The following PLOD1 variants were observed in gnomAD, a reference collection of about 807,000 sequenced individuals.
PLOD1 encodes lysine hydroxylase.
Under a neutral mutation model 94.7 loss-of-function variants are expected in PLOD1, and 70 were observed. That is an observed-to-expected ratio of 0.74 (90% confidence interval 0.61 to 0.90). The LOEUF (loss-of-function observed/expected upper bound fraction) is 0.90, where lower values mean the gene tolerates loss of function less well. Ranked by LOEUF, PLOD1 falls within the 40% of genes least tolerant of loss-of-function variation. The probability of loss-of-function intolerance (pLI) is 0.00; values close to 1 mark genes in which losing one functional copy is unlikely to be tolerated. For synonymous variants in PLOD1, 417 were observed against 400.2 expected, an observed-to-expected ratio of 1.04 and a Z score of -0.50; for missense variants, 905 against 972.7, an observed-to-expected ratio of 0.93 and a Z score of 0.93.
In PLOD1 at chr1:11,949,808, G is replaced by A. The variant is rs1376960586; in HGVS notation, c.204G>A (p.Lys68=). The change falls in exon 3 of 19, where the codon AAG becomes AAA. Residue 68 remains lysine (K), a synonymous_variant. Transcript: ENST00000196061. ...LGLGEDWNVE[K]GTSAGGGQKV... is the part of the protein sequence containing the mutation. Reference sequence around the variant, plus strand: ...TAGGGGAGGACTGGAATGTGGAGAAGGGGACGTCGGCAGGTGGAGGGCAGA... The same window carrying A: ...TAGGGGAGGACTGGAATGTGGAGAAAGGGACGTCGGCAGGTGGAGGGCAGA... 1.9e-6 allele frequency: 3 copies of A among 1,613,972 alleles called. No homozygotes were observed. The highest frequency in any genetic ancestry group is 2.5e-6 in the Non-Finnish European group (3 of 1,179,954).
chr1:11,971,904 C>T (rs943996214), intron 17 of PLOD1: 1 of 152,264 alleles, frequency 6.6e-6, no homozygotes, highest in Non-Finnish European at 1.5e-5. Context: ...CCCTTGAATG[C>T]TTACTGTGGT....
At chr1:11,950,174 G>A (rs1014274168) in intron 3 of PLOD1, among the ~76,000 whole-genome samples, 183 bp from the exon 4 acceptor site, 2 of 152,164 alleles carry the variant, frequency 1.3e-5, no homozygotes, top group Non-Finnish European at 2.9e-5. Flanking sequence ...CCCAGGGTGC[G>A]GGTGGGAACA....
At chr1:11,967,962 T>G (rs1284278386) in intron 16 of PLOD1, among the ~76,000 whole-genome samples, 1 of 151,404 alleles carries the variant, frequency 6.6e-6, no homozygotes, top group Non-Finnish European at 1.5e-5. Flanking sequence ...TAAATTTTTT[T>G]TTTTTTTTTA....
intron 16 of PLOD1, among the ~76,000 whole-genome samples, chr1:11,969,979 G>A (rs1361739920): frequency 1.3e-5 from 2 of 151,606 alleles, no homozygotes; most frequent in Non-Finnish European, 2.9e-5. Context: ...CATGGCTCAC[G>A]CCTGTAATCC....
intron 1 of PLOD1, among the ~76,000 whole-genome samples, chr1:11,939,648 C>T (rs1426554448): frequency 2.0e-5 from 3 of 152,112 alleles, no homozygotes; most frequent in African/African-American, 4.8e-5. Flanking sequence ...GTCTCGCTCA[C>T]CTAGTCTGGA....
Position 11,965,471 on chromosome 1 carries a change from C to T in PLOD1, c.1471-9C>T, listed in dbSNP as rs376476977. 2 of 1,573,042 alleles carry T rather than the reference C, an allele frequency of 1.3e-6. No homozygotes were observed. Among genetic ancestry groups the T allele is most frequent in the Non-Finnish European group, 1.7e-6 (2 of 1,143,382 alleles). On this transcript the variant is annotated splice_polypyrimidine_tract_variant and intron_variant, in intron 13 of 18. Transcript: ENST00000196061. ...GGAGCGCCTCTTCCACCGGGCCTGT[C>T]CTCCCCAGGATGTGTTCATGTTCCT...
intron 12 of PLOD1, 64 bp downstream of exon 12, chr1:11,964,364 G>A: frequency 6.6e-7 from 1 of 1,510,432 alleles, no homozygotes; most frequent in Non-Finnish European, 9.2e-7. Context: ...CTGGGCTTGT[G>A]GGGCTCCCTC....
chr1:11,947,757 T>C (rs1184825211), intron 1 of PLOD1, among the ~76,000 whole-genome samples: 1 of 152,102 alleles, frequency 6.6e-6, no homozygotes, highest in African/African-American at 2.4e-5. Flanking sequence ...TATCCAACTA[T>C]ATCGGTCAGT....
chr1:11,941,872 C>T (rs1569668998), intron 1 of PLOD1, among the ~76,000 whole-genome samples: 2 of 152,224 alleles, frequency 1.3e-5, no homozygotes, highest in South Asian at 2.1e-4. Flanking sequence ...TTAGTAGAGA[C>T]GGGGTTTTGC....
rs765008929 is a variant in PLOD1, at chr1:11,950,325, C to T, written c.303-32C>T. ...TCACTGGGCCCCTGCTCACCCTTGC[C>T]CTGCTCCGTCTTCTCGCTGCTCTGG... On this transcript the variant is annotated intron_variant, in intron 3 of 18. Transcript: ENST00000196061. The T allele has an allele frequency of 3.7e-6, 6 of 1,612,436 alleles. No individual in the cohort carries two copies. In the South Asian group the frequency reaches 6.6e-5, roughly 18 times the overall value.
chr1:11,957,389 A>T lies in PLOD1; in HGVS notation c.741+375A>T, dbSNP rs532503963. Among the ~76,000 whole-genome samples, 5 of 152,324 alleles carry T rather than the reference A, an allele frequency of 3.3e-5. No individual in the cohort carries two copies. In the South Asian group the frequency reaches 1.0e-3, roughly 32 times the overall value. On this transcript the variant is annotated intron_variant, in intron 7 of 18. Transcript: ENST00000196061. The surrounding 1 kb of genome is among the most constrained non-coding windows in gnomAD (Gnocchi z 4.1). ...GTCATAAGCAGGACGGATGTCCTGCATTCATGGTGACAGAAGGGACTGGGT... is the reference window on the plus strand; with the variant it reads ...GTCATAAGCAGGACGGATGTCCTGCTTTCATGGTGACAGAAGGGACTGGGT...
intron 1 of PLOD1, among the ~76,000 whole-genome samples, chr1:11,943,804 G>A (rs930469604): frequency 1.3e-5 from 2 of 152,248 alleles, no homozygotes; most frequent in African/African-American, 4.8e-5. Context: ...TTTAGGTTAA[G>A]AGAGGAGACT....
At chr1:11,967,971 T>TTG (rs1253650424) in intron 16 of PLOD1, among the ~76,000 whole-genome samples, 4 of 150,406 alleles carry the variant, frequency 2.7e-5, no homozygotes, top group African/African-American at 9.9e-5. Context: ...TTTTTTTTTT[T>TTG]AAGGCAGTGT....
chr1:11,941,452 C>T (rs1185678032), intron 1 of PLOD1, among the ~76,000 whole-genome samples: 5 of 145,708 alleles, frequency 3.4e-5, no homozygotes, highest in African/African-American at 5.6e-5. Context: ...CTGCCTTAGT[C>T]TCCTAAGTAG....
chr1:11,973,746 A>G (rs1441920970), intron 18 of PLOD1, among the ~76,000 whole-genome samples: 1 of 151,792 alleles, frequency 6.6e-6, no homozygotes, highest in Non-Finnish European at 1.5e-5. Flanking sequence ...ATGGCCAGCT[A>G]ATTTTTTTTC....
chr1:11,951,761 T>C (rs1478994514), intron 4 of PLOD1, among the ~76,000 whole-genome samples: 5 of 148,496 alleles, frequency 3.4e-5, no homozygotes, highest in Non-Finnish European at 7.5e-5. Flanking sequence ...CCACTAAAAA[T>C]ACAAAAAATT....
At chr1:11,944,370 C>CTGA (rs1314994765) in intron 1 of PLOD1, among the ~76,000 whole-genome samples, 1 of 151,682 alleles carries the variant, frequency 6.6e-6, no homozygotes, top group Non-Finnish European at 1.5e-5. Context: ...ACCCCTGCTG[C>CTGA]TGGAGTTCAA....
At chr1:11,948,679 G>A (rs2878680) in intron 2 of PLOD1, among the ~76,000 whole-genome samples, 7,097 of 152,016 alleles carry the variant, frequency 0.047, 265 homozygotes, top group East Asian at 0.13. Context: ...GCAGTGAGCC[G>A]AGGTGGCGTC....
Position 11,956,992 on chromosome 1 carries a change from T to C in PLOD1, c.719T>C (p.Ile240Thr), listed in dbSNP as rs1645742678. The C allele has an allele frequency of 6.2e-7, 1 of 1,613,380 alleles. No homozygotes were observed. The highest frequency in any genetic ancestry group is 2.2e-5 in the East Asian group (1 of 44,860). ...GCCTATGACACCCTCCCGGTCCTGA[T>C]CCATGGCAACGGGCCAACCAAGGTA... ...NLAYDTLPVL[I>T]HGNGPTKLQL... Residue 240 changes from isoleucine to threonine, a missense_variant, in exon 7 of 19, where the codon ATC becomes ACC. Ile to Thr is a moderately conservative substitution (Grantham distance 89). Coordinates refer to ENST00000196061, the MANE Select transcript of PLOD1 (RefSeq NM_000302.4).
Sources: allele counts gnomAD v4.1 joint callset (sites outside exome capture counted in the v4.1 genomes callset), GRCh38; gene constraint gnomAD v4.1.1; non-coding constraint Gnocchi (gnomAD v3.1); transcripts MANE v1.5; gene names NCBI Gene and HGNC (gene_info 2026-07-23, HGNC 2026-07-21).